Variants in CNTN4 observed in about 807,000 individuals in gnomAD.
CNTN4 encodes contactin 4.
In CNTN4, 77 loss-of-function variants were observed where a neutral mutation model predicts 122.5. The observed-to-expected ratio is 0.63, with a 90% CI of 0.52 to 0.76. The LOEUF (loss-of-function observed/expected upper bound fraction) is 0.76. Among genes scored for constraint, CNTN4 ranks in the 30% least tolerant of loss-of-function variants. The pLI is 0.00. For missense variants in CNTN4, 1,256 were observed against 1,259.1 expected (o/e 1.00, Z 0.04); for synonymous variants, 512 against 447.0 (o/e 1.15, Z -1.83).
intron 3 of CNTN4, among the ~76,000 whole-genome samples, chr3:2,454,108 A>G (rs73804568): frequency 1.8e-5 from 1 of 56,394 alleles, no homozygotes; most frequent in African/African-American, 6.8e-5. Flanking sequence ...CTGTTGTTAC[A>G]TGGCAAGAGT....
chr3:2,346,147 GCT>G (rs2044390287), intron 3 of CNTN4, among the ~76,000 whole-genome samples: 3 of 151,884 alleles, frequency 2.0e-5, no homozygotes, highest in Non-Finnish European at 4.4e-5. Flanking sequence ...GTTTCTAAAT[GCT>G]TTTCCACCTT....
intron 2 of CNTN4, among the ~76,000 whole-genome samples, chr3:2,312,048 T>C (rs1178948646): frequency 3.9e-5 from 6 of 152,076 alleles, no homozygotes; most frequent in Non-Finnish European, 8.8e-5. Context: ...ATAAAACTTT[T>C]TTTTAAGATA....
rs59719192 is a variant in CNTN4 at position 2,943,632 on chromosome 3, T to TA, written c.1358+17853_1358+17854insA. On this transcript the variant is annotated intron_variant, in intron 13 of 24. Coordinates refer to ENST00000418658, the MANE Select transcript of CNTN4 (RefSeq NM_175607.3). ...TATATTTATATATATATATATATAT[T>TA]TTTTTTTTTTGAGACGGAGTCTTGC... Among the ~76,000 whole-genome samples, 215 of 96,178 alleles carry TA rather than the reference T, an allele frequency of 2.2e-3. 1 individual carries two copies. The highest frequency in any genetic ancestry group is 8.4e-3 in the African/African-American group (191 of 22,718). 63.1% of individuals were successfully genotyped at this position (96,178 alleles called of 152,430 possible).
chr3:2,542,941 A>G (rs2078093292), intron 3 of CNTN4, among the ~76,000 whole-genome samples: 1 of 152,142 alleles, frequency 6.6e-6, no homozygotes. Flanking sequence ...ATTTCCACCC[A>G]TTATGTTACC....
At chr3:2,538,159 T>C (rs923921854) in intron 3 of CNTN4, among the ~76,000 whole-genome samples, 1 of 152,088 alleles carries the variant, frequency 6.6e-6, no homozygotes, top group Non-Finnish European at 1.5e-5. Flanking sequence ...GAAAACACCA[T>C]GTGAAGACTG....
At chr3:2,477,798 T>C (rs2075874107) in intron 3 of CNTN4, among the ~76,000 whole-genome samples, 1 of 152,212 alleles carries the variant, frequency 6.6e-6, no homozygotes, top group Non-Finnish European at 1.5e-5. Context: ...AGTTCTAAAC[T>C]GCTACGTCTA....
At chr3:2,296,194 G>GT (rs1438089344) in intron 2 of CNTN4, among the ~76,000 whole-genome samples, 3 of 152,086 alleles carry the variant, frequency 2.0e-5, no homozygotes, top group Non-Finnish European at 4.4e-5. Context: ...CTTTAAAGTA[G>GT]TTTTTTCCAG....
chr3:2,534,986 A>G (rs1275896184), intron 3 of CNTN4, among the ~76,000 whole-genome samples: 2 of 152,248 alleles, frequency 1.3e-5, no homozygotes, highest in Non-Finnish European at 1.5e-5. Context: ...GCAGTGTAAA[A>G]GGTCAAAGCC....
At chr3:2,783,025 T>C (rs1274075442) in intron 6 of CNTN4, among the ~76,000 whole-genome samples, 1 of 152,150 alleles carries the variant, frequency 6.6e-6, no homozygotes, top group East Asian at 1.9e-4. Flanking sequence ...ACGCCTGTAA[T>C]CACAGCACTT....
chr3:2,669,335 G>A (rs930652664), intron 4 of CNTN4, among the ~76,000 whole-genome samples: 10 of 152,052 alleles, frequency 6.6e-5, no homozygotes, highest in South Asian at 2.1e-4. Flanking sequence ...TGTATGTGTC[G>A]AGGAATTTAT....
intron 2 of CNTN4, among the ~76,000 whole-genome samples, chr3:2,263,822 C>T (rs1028934483): frequency 2.3e-5 from 3 of 130,348 alleles, no homozygotes; most frequent in Non-Finnish European, 5.5e-5. Flanking sequence ...TCATCCTACT[C>T]TCTATCTCCC....
At chr3:2,676,400 T>G (rs560911000) in intron 4 of CNTN4, among the ~76,000 whole-genome samples, 3 of 152,298 alleles carry the variant, frequency 2.0e-5, no homozygotes, top group South Asian at 4.1e-4. Context: ...TTTTGTATTT[T>G]TAATAGAGAC....
chr3:2,280,562 A>G (rs929042203), intron 2 of CNTN4, among the ~76,000 whole-genome samples: 1 of 152,204 alleles, frequency 6.6e-6, no homozygotes, highest in African/African-American at 2.4e-5. Context: ...TTCAGAAACC[A>G]TGCTCTTGAC....
intron 7 of CNTN4, among the ~76,000 whole-genome samples, chr3:2,846,756 G>T (rs1208436313): frequency 6.6e-6 from 1 of 152,068 alleles, no homozygotes; most frequent in East Asian, 1.9e-4. Flanking sequence ...TTATTACTAG[G>T]GAGGCCGAGG....
At chr3:2,184,920 A>G (rs2037178045) in intron 2 of CNTN4, among the ~76,000 whole-genome samples, 1 of 152,216 alleles carries the variant, frequency 6.6e-6, no homozygotes, top group Admixed American at 6.5e-5. Flanking sequence ...GCAAAAATTC[A>G]GGTCCTCAAA....
intron 13 of CNTN4, among the ~76,000 whole-genome samples, chr3:2,977,749 C>G (rs1577474727): frequency 6.6e-6 from 1 of 152,124 alleles, no homozygotes; most frequent in East Asian, 1.9e-4. Flanking sequence ...TAAACAGTTT[C>G]CCTATAAAAA....
intron 3 of CNTN4, among the ~76,000 whole-genome samples, chr3:2,429,666 C>T (rs1302661636): frequency 6.6e-6 from 1 of 152,190 alleles, no homozygotes; most frequent in Non-Finnish European, 1.5e-5. Context: ...TTCAGCTGTG[C>T]CATGCCCCGA....
intron 2 of CNTN4, among the ~76,000 whole-genome samples, chr3:2,141,243 A>G (rs149843808): frequency 3.0e-4 from 45 of 152,308 alleles, no homozygotes; most frequent in African/African-American, 1.1e-3. Context: ...CTCTGCCAAT[A>G]TGATGAAGGT....
intron 3 of CNTN4, among the ~76,000 whole-genome samples, chr3:2,348,973 C>G (rs2044506250): frequency 6.6e-6 from 1 of 152,168 alleles, no homozygotes; most frequent in Non-Finnish European, 1.5e-5. Context: ...CTTCTCCAAG[C>G]TAAGCAAGTT....
Sources: gnomAD v4.1 joint callset for allele counts (sites outside exome capture counted in the v4.1 genomes callset) on GRCh38, gnomAD v4.1.1 for gene constraint, MANE v1.5 for transcripts, NCBI Gene and HGNC (gene_info 2026-07-23, HGNC 2026-07-21) for gene names.